The following GNG7 variants were observed in gnomAD, a reference collection of about 807,000 sequenced individuals.
The protein encoded by GNG7 is guanine nucleotide-binding protein G(I)/G(S)/G(O) subunit gamma-7.
A neutral mutation model predicts 4.0 loss-of-function variants in GNG7; 1 was observed. That is an observed-to-expected ratio of 0.25 (90% CI 0.09 to 1.18). The LOEUF is 1.18. Among genes scored for constraint, GNG7 ranks in the 50% most tolerant of loss-of-function variants. The pLI is 0.50. For synonymous variants in GNG7, 34 were observed against 36.9 expected, an observed-to-expected ratio of 0.92 and a Z score of 0.29; for missense variants, 86 against 91.9, an observed-to-expected ratio of 0.94 and a Z score of 0.26.
intron 1 of GNG7, among the ~76,000 whole-genome samples, chr19:2,696,564 G>C (rs1477227869): frequency 2.0e-5 from 3 of 152,186 alleles, no homozygotes. Flanking sequence ...GCGGCCGAGC[G>C]TGTGTTGCTG....
chr19:2,598,458 C>A (rs547584007), intron 2 of GNG7, among the ~76,000 whole-genome samples: 9 of 150,918 alleles, frequency 6.0e-5, no homozygotes, highest in African/African-American at 2.2e-4. Context: ...GAGATCGAGA[C>A]CATCCTGGCT....
chr19:2,683,291 G>A (rs1241984468), intron 1 of GNG7, among the ~76,000 whole-genome samples: 2 of 151,682 alleles, frequency 1.3e-5, no homozygotes, highest in African/African-American at 2.4e-5. Flanking sequence ...GCCAGCCTGG[G>A]TGGGAGGCCA....
intron 1 of GNG7, among the ~76,000 whole-genome samples, chr19:2,685,441 T>C (rs1312745798): frequency 1.3e-5 from 2 of 151,938 alleles, no homozygotes; most frequent in East Asian, 1.9e-4. Flanking sequence ...CTGGCCAATA[T>C]AGCAAGACCC....
intron 3 of GNG7, among the ~76,000 whole-genome samples, chr19:2,536,945 T>C (rs1167362965): frequency 2.0e-5 from 3 of 149,588 alleles, no homozygotes; most frequent in East Asian, 3.9e-4. Flanking sequence ...TTTTTATTTT[T>C]ATTTTTATTT....
At chr19:2,554,980 G>A (rs568347211) in intron 3 of GNG7, among the ~76,000 whole-genome samples, 169 bp downstream of exon 3, 47 of 152,244 alleles carry the variant, frequency 3.1e-4, no homozygotes, top group African/African-American at 1.1e-3. Context: ...TGGTAAAAGG[G>A]GATCTGGGAT....
intron 2 of GNG7, among the ~76,000 whole-genome samples, chr19:2,576,221 T>C (rs1194849526): frequency 6.6e-6 from 1 of 152,254 alleles, no homozygotes; most frequent in Non-Finnish European, 1.5e-5. Context: ...CCCACCGCAG[T>C]GGGGCGGCCT....
At chr19:2,661,783 C>G (rs931890317) in intron 1 of GNG7, among the ~76,000 whole-genome samples, 1 of 152,096 alleles carries the variant, frequency 6.6e-6, no homozygotes. Flanking sequence ...CTGAGGCCTC[C>G]ACCAACAGCC....
chr19:2,696,996 G>GCGCCCGCCACCA (rs540991971), intron 1 of GNG7, among the ~76,000 whole-genome samples: 4,567 of 152,194 alleles, frequency 0.03, 230 homozygotes, highest in African/African-American at 0.1. Context: ...GGGATTACAG[G>GCGCCCGCCACCA]CGCCCGGCTA....
Position 2,612,416 on chromosome 19 carries a change from AAAG to A in GNG7, c.-78+33805_-78+33807del, listed in dbSNP as rs914549098. Among the ~76,000 whole-genome samples, 107 of 152,132 alleles carry A rather than the reference AAAG, an allele frequency of 7.0e-4. 2 individuals carry two copies. Among genetic ancestry groups the A allele is most frequent in the African/African-American group, 2.4e-3 (101 of 41,504 alleles). Reference sequence around the variant, plus strand: ...AAACAGTTCCAGGGTAGCAGCCTGCAAAGAAGGTGTGTCTGGGACCTGGGCATT... The same window carrying A: ...AAACAGTTCCAGGGTAGCAGCCTGCAAAGGTGTGTCTGGGACCTGGGCATT... On this transcript the variant is annotated intron_variant, in intron 2 of 4. Coordinates refer to ENST00000382159, the MANE Select transcript of GNG7 (RefSeq NM_052847.3).
chr19:2,540,526 G>A (rs1978925640), intron 3 of GNG7, among the ~76,000 whole-genome samples: 1 of 152,206 alleles, frequency 6.6e-6, no homozygotes, highest in Non-Finnish European at 1.5e-5. Context: ...TGGGTGCGTG[G>A]GCCCCTGCTC....
chr19:2,618,600 C>T lies in GNG7; in HGVS notation c.-78+27624G>A, dbSNP rs374685047. ...CTGACCTCAAATGATCCACCCGCCT[C>T]GGCCTCCCAAAGTGCTGGGATTACA... On this transcript the variant is annotated intron_variant, in intron 2 of 4. Coordinates refer to ENST00000382159, the MANE Select transcript of GNG7 (RefSeq NM_052847.3). This position sits in a 1 kb window ranked among gnomAD's most constrained non-coding sequence, Gnocchi z 5.1. Among the ~76,000 whole-genome samples, 10 of 151,954 alleles carry T rather than the reference C, an allele frequency of 6.6e-5. No homozygotes were observed. Among genetic ancestry groups the T allele is most frequent in the African/African-American group, 2.2e-4 (9 of 41,364 alleles).
At chr19:2,587,917 G>T (rs1980725412) in intron 2 of GNG7, among the ~76,000 whole-genome samples, 1 of 151,258 alleles carries the variant, frequency 6.6e-6, no homozygotes, top group African/African-American at 2.4e-5. Context: ...AGGAGAGAGA[G>T]AGAGAAGGAA....
At chr19:2,657,558 C>A (rs1983029702) in intron 1 of GNG7, among the ~76,000 whole-genome samples, 1 of 149,874 alleles carries the variant, frequency 6.7e-6, no homozygotes, top group Admixed American at 6.7e-5. Flanking sequence ...TTTCAAAAAT[C>A]TTTTGTTTCA....
intron 2 of GNG7, among the ~76,000 whole-genome samples, chr19:2,586,841 C>T (rs1245829328): frequency 6.6e-6 from 1 of 151,736 alleles, no homozygotes; most frequent in African/African-American, 2.4e-5. Context: ...AAAAATTAGC[C>T]GGGTGTGGTG....
chr19:2,661,410 A>T (rs1401179570), intron 1 of GNG7, among the ~76,000 whole-genome samples: 2 of 151,942 alleles, frequency 1.3e-5, no homozygotes, highest in African/African-American at 4.8e-5. Flanking sequence ...TAATCCCAGC[A>T]CTCTGGGAGG....
At chr19:2,672,612 A>ATT (rs1233412325) in intron 1 of GNG7, among the ~76,000 whole-genome samples, 1 of 151,856 alleles carries the variant, frequency 6.6e-6, no homozygotes, top group South Asian at 2.1e-4. Flanking sequence ...ACACCGGCTA[A>ATT]TTTTTGTATT....
intron 2 of GNG7, chr19:2,630,883 T>TTG (rs1982142566): frequency 6.6e-6 from 1 of 152,000 alleles, no homozygotes. Context: ...AATACACTCT[T>TTG]TATGTGCTGC....
intron 2 of GNG7, among the ~76,000 whole-genome samples, chr19:2,596,288 G>A (rs1055948490): frequency 1.3e-5 from 2 of 152,110 alleles, no homozygotes; most frequent in Non-Finnish European, 2.9e-5. Context: ...GAACCCAGGA[G>A]GTGGAGGTTG....
At chr19:2,559,286 G>A (rs1026713972) in intron 2 of GNG7, among the ~76,000 whole-genome samples, 2 of 151,106 alleles carry the variant, frequency 1.3e-5, no homozygotes, top group African/African-American at 4.9e-5. Context: ...TTTTGTAGGG[G>A]TAGTTTCCTT....
Sources: gnomAD v4.1 joint callset for allele counts (sites outside exome capture counted in the v4.1 genomes callset) on GRCh38, gnomAD v4.1.1 for gene constraint, Gnocchi (gnomAD v3.1) non-coding constraint, MANE v1.5 for transcripts, NCBI Gene and HGNC (gene_info 2026-07-23, HGNC 2026-07-21) for gene names.